Variants in SLC35F1 observed in about 807,000 individuals in gnomAD.
SLC35F1 encodes the protein solute carrier family 35 member F1.
A neutral mutation model predicts 48.7 loss-of-function variants in SLC35F1; 14 were observed. The observed-to-expected ratio is 0.29, with a 90% CI of 0.19 to 0.45. The LOEUF (loss-of-function observed/expected upper bound fraction) is 0.45, where lower values mean the gene tolerates loss of function less well. Ranked by LOEUF, SLC35F1 falls within the 20% of genes least tolerant of loss-of-function variation. The pLI is 1.00. For missense variants in SLC35F1, 404 were observed against 500.0 expected (o/e 0.81, Z 1.83); for synonymous variants, 190 against 202.2 (o/e 0.94, Z 0.51).
intron 3 of SLC35F1, among the ~76,000 whole-genome samples, chr6:118,253,237 C>T (rs575320177): frequency 7.9e-5 from 12 of 151,932 alleles, no homozygotes; most frequent in Admixed American, 2.6e-4. Flanking sequence ...GCCAGGAACG[C>T]GTAAAGGAGT....
chr6:118,182,381 T>G (rs1252576077), intron 2 of SLC35F1, among the ~76,000 whole-genome samples: 1 of 151,338 alleles, frequency 6.6e-6, no homozygotes, highest in Non-Finnish European at 1.5e-5. Flanking sequence ...CCTCAGTTAC[T>G]CTGGAGGCTG....
At chr6:117,973,121 C>A (rs1368850130) in intron 1 of SLC35F1, among the ~76,000 whole-genome samples, 1 of 152,154 alleles carries the variant, frequency 6.6e-6, no homozygotes, top group Admixed American at 6.5e-5. Context: ...GTGTCAGTGG[C>A]AGGTTTGGTA....
chr6:118,109,157 G>A (rs963562326), intron 1 of SLC35F1, among the ~76,000 whole-genome samples: 2 of 152,130 alleles, frequency 1.3e-5, no homozygotes, highest in African/African-American at 2.4e-5. Flanking sequence ...AAGGCAAAGC[G>A]TTATCATAAA....
intron 2 of SLC35F1, among the ~76,000 whole-genome samples, chr6:118,181,598 A>C (rs1408926453): frequency 6.6e-6 from 1 of 152,146 alleles, no homozygotes; most frequent in Non-Finnish European, 1.5e-5. Context: ...GAGTAGAAAT[A>C]TATCAGAAAT....
chr6:118,084,287 C>A (rs150467547), intron 1 of SLC35F1, among the ~76,000 whole-genome samples: 3 of 152,012 alleles, frequency 2.0e-5, no homozygotes, highest in African/African-American at 7.3e-5. Context: ...GGAGATAAAA[C>A]GATACAAATT....
chr6:118,243,456 G>T (rs1463478769), intron 3 of SLC35F1, among the ~76,000 whole-genome samples: 1 of 152,166 alleles, frequency 6.6e-6, no homozygotes, highest in Non-Finnish European at 1.5e-5. Context: ...TCTACAAAAA[G>T]AAATGCCTTA....
chr6:118,107,116 C>T (rs1582669566), intron 1 of SLC35F1, among the ~76,000 whole-genome samples: 1 of 152,054 alleles, frequency 6.6e-6, no homozygotes, highest in East Asian at 1.9e-4. Flanking sequence ...TGTTTGTTGC[C>T]ATCTCTGGTG....
chr6:118,054,103 A>G (rs531870399), intron 1 of SLC35F1, among the ~76,000 whole-genome samples: 1 of 152,312 alleles, frequency 6.6e-6, no homozygotes, highest in Non-Finnish European at 1.5e-5. Flanking sequence ...TTCTTTCATG[A>G]TAATTACCAT....
chr6:118,105,467 CT>C (rs1397858712), intron 1 of SLC35F1, among the ~76,000 whole-genome samples: 27 of 152,340 alleles, frequency 1.8e-4, no homozygotes, highest in African/African-American at 5.0e-4. Context: ...ACCTTACATT[CT>C]GTCTGAAACC....
At chr6:118,000,678 A>G (rs1302860941) in intron 1 of SLC35F1, among the ~76,000 whole-genome samples, 1 of 152,254 alleles carries the variant, frequency 6.6e-6, no homozygotes, top group African/African-American at 2.4e-5. Flanking sequence ...TGCAGATGAC[A>G]TGATAGTATA....
At chr6:118,132,903 C>T (rs1273967684) in intron 1 of SLC35F1, among the ~76,000 whole-genome samples, 2 of 152,054 alleles carry the variant, frequency 1.3e-5, no homozygotes, top group East Asian at 1.9e-4. Context: ...ACATGGTTGT[C>T]GGGACTTTTT....
At chr6:117,923,365 A>G (rs1408308734) in intron 1 of SLC35F1, among the ~76,000 whole-genome samples, 3 of 151,754 alleles carry the variant, frequency 2.0e-5, no homozygotes, top group Non-Finnish European at 4.4e-5. Flanking sequence ...TGCTAAAGCT[A>G]AGCTCCGAAG....
Position 118,235,620 on chromosome 6 carries a change from C to T in SLC35F1, c.461C>T (p.Thr154Ile). 1.2e-6 allele frequency: 2 copies of T among 1,613,316 alleles called. No homozygotes were observed. Among genetic ancestry groups the T allele is most frequent in the Non-Finnish European group, 1.7e-6 (2 of 1,179,576 alleles). ...YLVVKAYQYTTLTSIQLLDCF... is the reference protein window; with the variant it reads ...YLVVKAYQYTILTSIQLLDCF... ...GTGGTCAAGGCTTACCAATACACAACTCTGACCAGTATCCAGGTACCCATG... is the reference window on the plus strand; with the variant it reads ...GTGGTCAAGGCTTACCAATACACAATTCTGACCAGTATCCAGGTACCCATG... Residue 154 changes from threonine to isoleucine, a missense_variant, in exon 3 of 8, where the codon ACT becomes ATT. This residue lies in a region of SLC35F1 where 306 missense variants were observed against 419.1 expected (regional missense o/e 0.73). Transcript: ENST00000360388.
At chr6:117,951,989 G>A (rs920532808) in intron 1 of SLC35F1, among the ~76,000 whole-genome samples, 1 of 152,268 alleles carries the variant, frequency 6.6e-6, no homozygotes, top group African/African-American at 2.4e-5. Flanking sequence ...AATGCTGCCT[G>A]AGTTGTGGCT....
intron 1 of SLC35F1, among the ~76,000 whole-genome samples, chr6:118,135,977 G>T (rs1773788635): frequency 6.6e-6 from 1 of 152,150 alleles, no homozygotes; most frequent in African/African-American, 2.4e-5. Context: ...CATGCACTGG[G>T]CCTGCGAGAA....
At chr6:118,023,007 C>T (rs187839989) in intron 1 of SLC35F1, among the ~76,000 whole-genome samples, 6 of 152,262 alleles carry the variant, frequency 3.9e-5, no homozygotes, top group South Asian at 2.1e-4. Context: ...ATCCGCCCAC[C>T]TCAGCCTCCC....
chr6:118,239,663 C>G lies in SLC35F1; in HGVS notation c.477+4027C>G, dbSNP rs114058347. 5.3e-3 allele frequency among the ~76,000 whole-genome samples: 802 copies of G among 152,152 alleles called. 10 individuals carry two copies. Among genetic ancestry groups the G allele is most frequent in the African/African-American group, 0.019 (769 of 41,500 alleles). On this transcript the variant is annotated intron_variant, in intron 3 of 7. Transcript: ENST00000360388. ...AGTTAGTTCAAACCTATGTTCTATA[C>G]CTGCCACTATATCCATCCTGCCATC...
chr6:118,194,974 C>T (rs147371317), intron 2 of SLC35F1, among the ~76,000 whole-genome samples: 92 of 152,238 alleles, frequency 6.0e-4, no homozygotes, highest in Non-Finnish European at 8.5e-4. Context: ...GAGTTTCATC[C>T]GGTAACCAAA....
rs1011493313 is a variant in SLC35F1, at chr6:118,292,994, G to T, written c.1002+7656G>T. 2.0e-5 allele frequency among the ~76,000 whole-genome samples: 3 copies of T among 152,166 alleles called. No homozygotes were observed. In the East Asian group the frequency reaches 5.8e-4, roughly 29 times the overall value. On this transcript the variant is annotated intron_variant, in intron 7 of 7. Transcript: ENST00000360388. ...GCCATCCACAGAAAGCACAGGAAAT[G>T]AGCTTGACTGGGCCTCAGAGACCCC... is the stretch of plus-strand genomic sequence containing the variant.
Sources: allele counts gnomAD v4.1 joint callset (sites outside exome capture counted in the v4.1 genomes callset), GRCh38; gene constraint gnomAD v4.1.1; regional missense constraint gnomAD v4.1.1; transcripts MANE v1.5; gene names NCBI Gene and HGNC (gene_info 2026-07-23, HGNC 2026-07-21).